The following CAGE1 variants were observed in gnomAD, a reference collection of about 807,000 sequenced individuals.
CAGE1 encodes the protein cancer antigen 1.
CAGE1 carries 66 observed loss-of-function variants against 94.9 expected under a neutral mutation model. The ratio of observed to expected loss-of-function variants is 0.70; its 90% confidence interval spans 0.57 to 0.85. The LOEUF is 0.85. Among genes scored for constraint, CAGE1 ranks in the 40% least tolerant of loss-of-function variants. The probability of loss-of-function intolerance (pLI) is 0.00; values close to 1 mark genes in which losing one functional copy is unlikely to be tolerated. For missense variants in CAGE1, 865 were observed against 950.4 expected (o/e 0.91, Z 1.18); for synonymous variants, 319 against 321.0 (o/e 0.99, Z 0.07).
intron 12 of CAGE1, among the ~76,000 whole-genome samples, chr6:7,332,273 A>C (rs977073086): frequency 1.3e-5 from 2 of 152,128 alleles, no homozygotes; most frequent in African/African-American, 4.8e-5. Context: ...GCTAATGCTG[A>C]TTCTTTCTCT....
intron 9 of CAGE1, among the ~76,000 whole-genome samples, chr6:7,356,790 C>A (rs1249839121): frequency 6.6e-6 from 1 of 151,976 alleles, no homozygotes; most frequent in Non-Finnish European, 1.5e-5. Context: ...TTTTAATCAT[C>A]TAATGTTTTA....
chr6:7,359,289 C>T (rs1022966917), intron 9 of CAGE1, among the ~76,000 whole-genome samples: 2 of 152,162 alleles, frequency 1.3e-5, no homozygotes, highest in African/African-American at 4.8e-5. Context: ...TGAGGTGATC[C>T]ACCCACCTCG....
intron 11 of CAGE1, among the ~76,000 whole-genome samples, chr6:7,344,591 G>A (rs1334482690): frequency 6.6e-6 from 1 of 152,136 alleles, no homozygotes; most frequent in African/African-American, 2.4e-5. Context: ...CCCAAGGGCT[G>A]AGGAGTGCGG....
intron 11 of CAGE1, among the ~76,000 whole-genome samples, chr6:7,354,281 T>C (rs534512394): frequency 4.6e-5 from 7 of 152,168 alleles, no homozygotes; most frequent in African/African-American, 7.2e-5. Context: ...ATTTCCTGAG[T>C]ATACAACATC....
At chr6:7,345,605 G>A (rs74943535) in intron 11 of CAGE1, among the ~76,000 whole-genome samples, 7,177 of 152,218 alleles carry the variant, frequency 0.047, 293 homozygotes, top group African/African-American at 0.11. Flanking sequence ...ATAGTAAACA[G>A]CTGTTTCTAA....
chr6:7,348,372 G>A (rs566829135), intron 11 of CAGE1, among the ~76,000 whole-genome samples: 34 of 152,302 alleles, frequency 2.2e-4, no homozygotes, highest in African/African-American at 7.7e-4. Context: ...CAGGAAAAGA[G>A]GAAGAGCACC....
chr6:7,384,388 G>A (rs1761043013), intron 3 of CAGE1, among the ~76,000 whole-genome samples: 1 of 152,114 alleles, frequency 6.6e-6, no homozygotes, highest in Non-Finnish European at 1.5e-5. Context: ...AATAAGCCTT[G>A]TCAAATCTTT....
chr6:7,343,885 G>C (rs571134551), intron 11 of CAGE1, among the ~76,000 whole-genome samples: 3 of 152,162 alleles, frequency 2.0e-5, no homozygotes, highest in Non-Finnish European at 2.9e-5. Flanking sequence ...GACAAAGATA[G>C]AACAAGTCTC....
chr6:7,374,265 T>A, intron 4 of CAGE1, 134 bp from the exon 5 acceptor site: 2 of 675,362 alleles, frequency 3.0e-6, no homozygotes, highest in South Asian at 3.8e-5. Flanking sequence ...AACAATAGTA[T>A]CTACTTCCAA....
chr6:7,338,445 A>G (rs1665113895), intron 11 of CAGE1, among the ~76,000 whole-genome samples: 2 of 152,158 alleles, frequency 1.3e-5, no homozygotes, highest in Non-Finnish European at 2.9e-5. Flanking sequence ...AGGTTTTCTC[A>G]TGAAGAATGA....
chr6:7,361,526 T>C (rs1370237478), intron 9 of CAGE1, among the ~76,000 whole-genome samples: 1 of 152,238 alleles, frequency 6.6e-6, no homozygotes, highest in Non-Finnish European at 1.5e-5. Flanking sequence ...ATGTAAAATG[T>C]ATTTTTTCTA....
In CAGE1 at chr6:7,329,880, CT is replaced by C; in HGVS notation, c.2446del (p.Ser816AlafsTer2). The C allele has an allele frequency of 9.1e-6, 13 of 1,432,888 alleles. No homozygotes were observed. Among genetic ancestry groups the C allele is most frequent in the Admixed American group, 1.9e-5 (1 of 53,884 alleles). 88.8% of individuals were successfully genotyped at this position (1,432,888 alleles called of 1,614,324 possible). A position where few individuals can be genotyped will look rare whatever the true frequency, so the allele number is the denominator to read the frequency against. On this transcript the variant is annotated frameshift_variant, in exon 13 of 14. Coordinates refer to ENST00000502583, the MANE Select transcript of CAGE1 (RefSeq NM_001170692.2). LOFTEE classifies it high-confidence loss of function. ...REKARKPRSK[S>X]LENHPKSMTM... ...CATGGACTTCGGATGATTTTCTAAG[CT>C]TTTTGATCTGTAAGAAATAGAAAGA...
chr6:7,372,287 C>T (rs1395334290), intron 5 of CAGE1, among the ~76,000 whole-genome samples: 1 of 152,006 alleles, frequency 6.6e-6, no homozygotes, highest in East Asian at 1.9e-4. Context: ...GCCTGGCCAA[C>T]ACGGTGAAAC....
chr6:7,345,644 C>T (rs756275772), intron 11 of CAGE1, among the ~76,000 whole-genome samples: 2 of 152,126 alleles, frequency 1.3e-5, no homozygotes, highest in Non-Finnish European at 2.9e-5. Context: ...GGAAAAATTA[C>T]AGGCCCGGCG....
chr6:7,345,128 CA>C (rs1312003027), intron 11 of CAGE1, among the ~76,000 whole-genome samples: 2 of 41,566 alleles, frequency 4.8e-5, no homozygotes, highest in African/African-American at 3.5e-4. Flanking sequence ...TCTTTAGATC[CA>C]TATTGCTTTT....
chr6:7,385,941 A>G, intron 2 of CAGE1, 69 bp from the exon 3 acceptor site: 1 of 778,862 alleles, frequency 1.3e-6, no homozygotes, highest in Non-Finnish European at 2.0e-6. Flanking sequence ...GTATTTGCAC[A>G]TTGTTACATA....
chr6:7,373,963 T>C lies in CAGE1; in HGVS notation c.856A>G (p.Met286Val), dbSNP rs750422560. 3 of 1,613,912 alleles carry C rather than the reference T, an allele frequency of 1.9e-6. No individual in the cohort carries two copies. The highest frequency in any genetic ancestry group is 2.5e-6 in the Non-Finnish European group (3 of 1,179,900). ...RSEACRENCEMPDWEQSAESL... is the reference protein window; with the variant it reads ...RSEACRENCEVPDWEQSAESL... ...TCAGCACTTTGCTCCCAGTCAGGCATCTCACAGTTCTCCCGACATGCTTCA... is the reference window on the plus strand; with the variant it reads ...TCAGCACTTTGCTCCCAGTCAGGCACCTCACAGTTCTCCCGACATGCTTCA... Residue 286 changes from methionine to valine, a missense_variant, in exon 5 of 14, where the codon ATG becomes GTG. Met to Val is a conservative substitution (Grantham distance 21, BLOSUM62 1). Transcript: ENST00000502583.
At chr6:7,340,128 A>C (rs1161556601) in intron 11 of CAGE1, among the ~76,000 whole-genome samples, 1 of 152,216 alleles carries the variant, frequency 6.6e-6, no homozygotes, top group Non-Finnish European at 1.5e-5. Flanking sequence ...GGAGTAAGGT[A>C]GTATCACATT....
chr6:7,341,615 AC>A, intron 11 of CAGE1: 3 of 804,740 alleles, frequency 3.7e-6, no homozygotes, highest in Non-Finnish European at 6.6e-6. Context: ...GCAAGGTGGA[AC>A]AGATGGGTGT....
Sources: gnomAD v4.1 joint callset for allele counts (sites outside exome capture counted in the v4.1 genomes callset) on GRCh38, gnomAD v4.1.1 for gene constraint, MANE v1.5 for transcripts, NCBI Gene and HGNC (gene_info 2026-07-23, HGNC 2026-07-21) for gene names.